Variants in RNF24 observed in about 807,000 individuals in gnomAD.
RNF24 encodes ring finger protein 24.
In RNF24, 14 loss-of-function variants were observed where a neutral mutation model predicts 20.0. The observed-to-expected ratio is 0.70, with a 90% CI of 0.46 to 1.10. RNF24 has a LOEUF of 1.10. Among genes scored for constraint, RNF24 ranks in the 50% least tolerant of loss-of-function variants. The pLI is 0.00. For synonymous variants in RNF24, 45 were observed against 61.1 expected (o/e 0.74, Z 1.23); for missense variants, 124 against 177.6 (o/e 0.70, Z 1.71).
intron 1 of RNF24, among the ~76,000 whole-genome samples, chr20:4,011,474 G>A (rs1982456361): frequency 1.6e-5 from 2 of 128,890 alleles, no homozygotes; most frequent in Admixed American, 1.6e-4. Context: ...CAGGATGATG[G>A]CTATGCAGTA....
Position 3,934,458 on chromosome 20 carries a change from G to GT in RNF24, c.309-258dup, listed in dbSNP as rs2090866181. On this transcript the variant is annotated intron_variant, in intron 5 of 5. Transcript: ENST00000358395. The surrounding 1 kb of genome is among the most constrained non-coding windows in gnomAD (Gnocchi z 4.0). The stretch of plus-strand genomic sequence containing the variant: ...TCTTCCACGTGTGAAGCCACAGATA[G>GT]TATGTGATACTCTCAGTTACCCATG... 6.6e-6 allele frequency among the ~76,000 whole-genome samples: 1 copy of GT among 152,168 alleles called. No individual in the cohort carries two copies. The highest frequency in any genetic ancestry group is 1.5e-5 in the Non-Finnish European group (1 of 68,028).
In RNF24 at chr20:3,934,949, G is replaced by A. The variant is rs1172464062; in HGVS notation, c.308+45C>T. 6.5e-7 allele frequency: 1 copy of A among 1,529,018 alleles called. No individual in the cohort carries two copies. The highest frequency in any genetic ancestry group is 9.1e-7 in the Non-Finnish European group (1 of 1,103,308). The allele number at this position is 1,529,018 out of a possible 1,614,324, so 94.7% of individuals were successfully genotyped here. A position where few individuals can be genotyped will look rare whatever the true frequency, so the allele number is the denominator to read the frequency against. On this transcript the variant is annotated intron_variant, in intron 5 of 5. Transcript: ENST00000358395. The surrounding 1 kb of genome is among the most constrained non-coding windows in gnomAD (Gnocchi z 4.0). Reference sequence around the variant, plus strand: ...AAACCCAAAAGAAGTTGGTTGATGTGCCTCAAACTCGGGTCCCATTAAGTA... The same window carrying A: ...AAACCCAAAAGAAGTTGGTTGATGTACCTCAAACTCGGGTCCCATTAAGTA...
In RNF24 at chr20:3,928,747, C is replaced by CAAAAAAAAAAAAAAAAAAAAAAAAAAAAA. The variant is rs528166005; in HGVS notation, c.*5287_*5315dup. The CAAAAAAAAAAAAAAAAAAAAAAAAAAAAA allele has an allele frequency of 1.8e-5, 1 of 56,840 alleles. No individual in the cohort carries two copies. The highest frequency in any genetic ancestry group is 5.6e-5 in the African/African-American group (1 of 17,804). The allele number at this position is 56,840 out of a possible 1,614,324, so 3.5% of individuals were successfully genotyped here. ...TGGGTGACAGAGCGAGACTCCGTCT[C>CAAAAAAAAAAAAAAAAAAAAAAAAAAAAA]AAAAAAAAAAAAAAAAAAAAAAAAA... On this transcript the variant is annotated 3_prime_UTR_variant, in exon 6 of 6. Transcript: ENST00000358395.
At chr20:3,942,796 G>C (rs927007845) in intron 4 of RNF24, among the ~76,000 whole-genome samples, 5 of 149,612 alleles carry the variant, frequency 3.3e-5, no homozygotes, top group African/African-American at 1.2e-4. Flanking sequence ...CAAAGCAAAG[G>C]AATTTACCTG....
intron 2 of RNF24, among the ~76,000 whole-genome samples, chr20:3,958,767 G>A (rs1489297560): frequency 1.3e-5 from 2 of 152,170 alleles, no homozygotes; most frequent in African/African-American, 4.8e-5. Context: ...TCAGCCTCCT[G>A]AGTAGCTGGG....
intron 3 of RNF24, 44 bp downstream of exon 3, chr20:3,948,193 G>C (rs755476482): frequency 1.2e-5 from 17 of 1,431,850 alleles, no homozygotes; most frequent in Admixed American, 2.1e-5. Flanking sequence ...CAGTTTTTTG[G>C]GGGGAAAAAA....
rs986734227 is a variant in RNF24, at chr20:3,930,651, T to G, written c.*3412A>C. ...ACTGCCCTGGATGTATCAGGATGTA[T>G]TTCATAATGCCCAAAAAGCCTCTGA... On this transcript the variant is annotated 3_prime_UTR_variant, in exon 6 of 6. Transcript: ENST00000358395. 1 of 152,288 alleles carries G rather than the reference T, an allele frequency of 6.6e-6. No homozygotes were observed. Among genetic ancestry groups the G allele is most frequent in the African/African-American group, 2.4e-5 (1 of 41,450 alleles). The allele number at this position is 152,288 out of a possible 1,614,324, so 9.4% of individuals were successfully genotyped here.
At chr20:4,002,405 AAAAAC>A (rs543007546) in intron 1 of RNF24, among the ~76,000 whole-genome samples, 114 of 152,258 alleles carry the variant, frequency 7.5e-4, no homozygotes, top group African/African-American at 2.6e-3. Context: ...CAAAAAACAA[AAAAAC>A]AAAACAAAAC....
intron 4 of RNF24, among the ~76,000 whole-genome samples, chr20:3,942,063 G>C (rs1388929382): frequency 6.9e-6 from 1 of 145,600 alleles, no homozygotes; most frequent in East Asian, 2.0e-4. Context: ...AGTAGAGCTA[G>C]ACTCTATCTC....
At chr20:3,977,241 A>G (rs1163910172) in intron 1 of RNF24, among the ~76,000 whole-genome samples, 3 of 152,230 alleles carry the variant, frequency 2.0e-5, no homozygotes, top group African/African-American at 7.2e-5. Context: ...ATTTCAGCAA[A>G]GCATGGAAGA....
intron 1 of RNF24, among the ~76,000 whole-genome samples, chr20:3,983,013 T>G (rs535016995): frequency 4.9e-4 from 75 of 152,220 alleles, no homozygotes; most frequent in Non-Finnish European, 9.3e-4. Context: ...AGACCCCTTT[T>G]GTGTTTGTTT....
At chr20:4,012,349 G>A (rs773878397) in intron 1 of RNF24, among the ~76,000 whole-genome samples, 2 of 151,714 alleles carry the variant, frequency 1.3e-5, no homozygotes, top group Admixed American at 6.6e-5. Context: ...CCTGGGAGAC[G>A]GAGGCTGCAG....
At chr20:3,986,885 G>A (rs1295738026) in intron 1 of RNF24, among the ~76,000 whole-genome samples, 2 of 151,950 alleles carry the variant, frequency 1.3e-5, no homozygotes, top group Admixed American at 6.6e-5. Flanking sequence ...TCCTGATCTC[G>A]TGATCCGCCC....
chr20:4,014,156 T>C (rs1328948894), intron 1 of RNF24, among the ~76,000 whole-genome samples: 3 of 152,198 alleles, frequency 2.0e-5, no homozygotes, highest in Non-Finnish European at 4.4e-5. Flanking sequence ...GAGGAGCCAT[T>C]GAGCTGGGCT....
chr20:3,994,952 T>C (rs1980742577), intron 1 of RNF24, among the ~76,000 whole-genome samples: 1 of 152,034 alleles, frequency 6.6e-6, no homozygotes, highest in Non-Finnish European at 1.5e-5. Context: ...AAATGAAAAA[T>C]GGAAGATTCT....
chr20:3,952,284 A>T (rs1419834349), intron 2 of RNF24, among the ~76,000 whole-genome samples: 1 of 151,988 alleles, frequency 6.6e-6, no homozygotes, highest in Non-Finnish European at 1.5e-5. Flanking sequence ...TACAGCTTTA[A>T]TTTTTCTCTT....
rs555963262 is a variant in RNF24, at chr20:3,946,204, T to C, written c.187-986A>G. ...ATACGTGGCCAGGCACGGTAGCTCA[T>C]GCCTGCAATCCCAGCACTTTGGGAG... On this transcript the variant is annotated intron_variant, in intron 3 of 5. Transcript: ENST00000358395. Among the ~76,000 whole-genome samples the C allele has an allele frequency of 5.9e-4, 90 of 152,246 alleles. 1 individual carries two copies. Among genetic ancestry groups the C allele is most frequent in the East Asian group, 1.4e-3 (7 of 5,178 alleles).
At chr20:3,955,591 A>C (rs1018339182) in intron 2 of RNF24, among the ~76,000 whole-genome samples, 18 of 152,202 alleles carry the variant, frequency 1.2e-4, no homozygotes, top group Admixed American at 2.6e-4. Context: ...TTTCTTTTTC[A>C]AAACTGCTTT....
At chr20:3,953,291 A>G (rs1216189191) in intron 2 of RNF24, among the ~76,000 whole-genome samples, 2 of 151,996 alleles carry the variant, frequency 1.3e-5, no homozygotes, top group African/African-American at 4.8e-5. Flanking sequence ...AGCTGGGACT[A>G]CAGACACCCG....
Sources: gnomAD v4.1 joint callset for allele counts (sites outside exome capture counted in the v4.1 genomes callset) on GRCh38, gnomAD v4.1.1 for gene constraint, Gnocchi (gnomAD v3.1) non-coding constraint, MANE v1.5 for transcripts, NCBI Gene and HGNC (gene_info 2026-07-23, HGNC 2026-07-21) for gene names.